Variants in RASGRF2 observed in about 807,000 individuals in gnomAD.
RASGRF2 encodes the protein ras-specific guanine nucleotide-releasing factor 2.
Under a neutral mutation model 151.0 loss-of-function variants are expected in RASGRF2, and 76 were observed. That is an observed-to-expected ratio of 0.50 (90% confidence interval 0.42 to 0.61). The LOEUF (loss-of-function observed/expected upper bound fraction) is 0.61. Ranked by LOEUF, RASGRF2 falls within the 20% of genes least tolerant of loss-of-function variation. RASGRF2 has a pLI of 0.00. For missense variants in RASGRF2, 1,148 were observed against 1,564.6 expected (o/e 0.73, Z 4.49); for synonymous variants, 504 against 566.5 (o/e 0.89, Z 1.57).
Position 81,015,225 on chromosome 5 carries a change from A to T in RASGRF2, c.289-27652A>T, listed in dbSNP as rs962879499. ...AAGTTGTAATTTGACTGTAATAAAC[A>T]TACGTGTGCATGTGTCTTTATAGTA... On this transcript the variant is annotated intron_variant, in intron 1 of 26. Coordinates refer to ENST00000265080, the MANE Select transcript of RASGRF2 (RefSeq NM_006909.3). Among the ~76,000 whole-genome samples the T allele has an allele frequency of 3.9e-5, 6 of 152,216 alleles. No homozygotes were observed. The South Asian group carries it at 1.2e-3, about 32-fold the overall frequency.
chr5:81,031,007 C>G (rs1273412514), intron 1 of RASGRF2, among the ~76,000 whole-genome samples: 6 of 152,126 alleles, frequency 3.9e-5, no homozygotes, highest in Admixed American at 2.6e-4. Flanking sequence ...ATCCTAGTCT[C>G]TGATAAAACA....
chr5:81,217,243 G>C, intron 24 of RASGRF2, 113 bp from the exon 25 acceptor site: 2 of 1,430,166 alleles, frequency 1.4e-6, no homozygotes, highest in Non-Finnish European at 9.3e-7. Flanking sequence ...AAATAAAAAG[G>C]TTTTGCTCTT....
chr5:81,003,389 A>AT (rs1459972415), intron 1 of RASGRF2, among the ~76,000 whole-genome samples: 1 of 151,948 alleles, frequency 6.6e-6, no homozygotes, highest in East Asian at 1.9e-4. Context: ...CGCCCACCTA[A>AT]TTTTTTTGTA....
chr5:81,117,727 C>T (rs539104601), intron 15 of RASGRF2, among the ~76,000 whole-genome samples: 5 of 152,094 alleles, frequency 3.3e-5, no homozygotes, highest in East Asian at 1.9e-4. Flanking sequence ...GAATCAGATA[C>T]GGGTGAGACC....
chr5:81,140,027 CCACGTTGCCCAGG>C (rs1753846885), intron 17 of RASGRF2, among the ~76,000 whole-genome samples: 1 of 151,998 alleles, frequency 6.6e-6, no homozygotes, highest in Admixed American at 6.6e-5. Context: ...TGAGGTCTCT[CCACGTTGCCCAGG>C]CTGGTCTCCA....
chr5:80,998,604 T>C (rs1465673982), intron 1 of RASGRF2, among the ~76,000 whole-genome samples: 1 of 152,250 alleles, frequency 6.6e-6, no homozygotes, highest in Non-Finnish European at 1.5e-5. Flanking sequence ...CTATTTGCAC[T>C]GTGACTTTCT....
intron 1 of RASGRF2, among the ~76,000 whole-genome samples, chr5:81,020,916 C>G (rs1169099927): frequency 2.0e-5 from 3 of 152,186 alleles, no homozygotes; most frequent in Non-Finnish European, 4.4e-5. Context: ...TGAGGAAACT[C>G]AGGTTCCAAA....
chr5:81,174,237 G>C (rs1301769279), intron 17 of RASGRF2, among the ~76,000 whole-genome samples: 1 of 152,234 alleles, frequency 6.6e-6, no homozygotes, highest in African/African-American at 2.4e-5. Context: ...GGAGCAGTTG[G>C]AAGAAAAGAC....
chr5:81,180,084 C>T (rs1351692860), intron 17 of RASGRF2, 91 bp from the exon 18 acceptor site: 3 of 722,710 alleles, frequency 4.2e-6, no homozygotes, highest in Admixed American at 2.0e-5. Flanking sequence ...CTGTGAGTTT[C>T]GTTAACCAAT....
chr5:81,104,836 T>G (rs1248400756), intron 12 of RASGRF2, among the ~76,000 whole-genome samples: 1 of 152,128 alleles, frequency 6.6e-6, no homozygotes. Context: ...AGCACTTGCT[T>G]CTTATGTTGG....
chr5:81,217,576 T>A, intron 25 of RASGRF2, 103 bp downstream of exon 25: 14 of 401,484 alleles, frequency 3.5e-5, no homozygotes, highest in Non-Finnish European at 4.3e-5. Context: ...TTTCTCTTCT[T>A]TTTTTTTTTT....
At chr5:81,073,175 C>G (rs1229268807) in intron 4 of RASGRF2, 24 bp from the exon 5 acceptor site, 2 of 1,600,112 alleles carry the variant, frequency 1.2e-6, no homozygotes, top group Admixed American at 3.4e-5. Flanking sequence ...TAGTCAGATT[C>G]CTTTCTGATT....
At chr5:81,225,631 C>G in intron 26 of RASGRF2, 47 bp from the exon 27 acceptor site, 1 of 1,601,322 alleles carries the variant, frequency 6.2e-7, no homozygotes, top group Non-Finnish European at 8.5e-7. Flanking sequence ...AATGTACGCA[C>G]TGGTGTCTGA....
In RASGRF2 at chr5:80,996,505, C is replaced by CTTCTTCTTCT. The variant is rs56082157; in HGVS notation, c.288+35480_288+35481insTCTTCTTCTT. Among the ~76,000 whole-genome samples the CTTCTTCTTCT allele has an allele frequency of 2.0e-3, 96 of 47,774 alleles. 12 individuals carry two copies. Among genetic ancestry groups the CTTCTTCTTCT allele is most frequent in the African/African-American group, 6.5e-3 (66 of 10,214 alleles). 31.3% of individuals were successfully genotyped at this position (47,774 alleles called of 152,430 possible). A position where few individuals can be genotyped will look rare whatever the true frequency, so the allele number is the denominator to read the frequency against. ...CTTCTTCTTCTTCTTCTTCTTCTTC[C>CTTCTTCTTCT]TCCTCCTCCTCCTCCCCCTCCTCCT... On this transcript the variant is annotated intron_variant, in intron 1 of 26. Coordinates refer to ENST00000265080, the MANE Select transcript of RASGRF2 (RefSeq NM_006909.3).
chr5:81,209,162 G>C (rs1003552234), intron 22 of RASGRF2, among the ~76,000 whole-genome samples: 1 of 152,174 alleles, frequency 6.6e-6, no homozygotes, highest in Non-Finnish European at 1.5e-5. Context: ...TACATTCCAG[G>C]GTTGGAAGGG....
chr5:81,188,495 G>T (rs1184393236), intron 18 of RASGRF2, among the ~76,000 whole-genome samples: 1 of 152,176 alleles, frequency 6.6e-6, no homozygotes, highest in Non-Finnish European at 1.5e-5. Context: ...TATCGGTTTA[G>T]TTATGATATG....
intron 17 of RASGRF2, among the ~76,000 whole-genome samples, chr5:81,135,269 A>G (rs536893999): frequency 6.6e-6 from 1 of 152,308 alleles, no homozygotes; most frequent in African/African-American, 2.4e-5. Context: ...ATCGTGCTCC[A>G]TCCCAGCCTG....
At chr5:80,971,281 A>T (rs1747923249) in intron 1 of RASGRF2, among the ~76,000 whole-genome samples, 1 of 152,230 alleles carries the variant, frequency 6.6e-6, no homozygotes, top group Non-Finnish European at 1.5e-5. Flanking sequence ...GTGACACCAT[A>T]GAATGCTTTT....
At chr5:81,079,197 A>G (rs1389997195) in intron 5 of RASGRF2, among the ~76,000 whole-genome samples, 1 of 152,230 alleles carries the variant, frequency 6.6e-6, no homozygotes, top group Non-Finnish European at 1.5e-5. Context: ...TAGAAGGAGG[A>G]TGGAATACAG....
Sources: allele counts gnomAD v4.1 joint callset (sites outside exome capture counted in the v4.1 genomes callset), GRCh38; gene constraint gnomAD v4.1.1; transcripts MANE v1.5; gene names NCBI Gene and HGNC (gene_info 2026-07-23, HGNC 2026-07-21).